NCOA2: variants seen among roughly 807,000 people sequenced by gnomAD.
NCOA2 encodes the protein class E basic helix-loop-helix protein 75.
A neutral mutation model predicts 145.1 loss-of-function variants in NCOA2; 21 were observed. The ratio of observed to expected loss-of-function variants is 0.14; its 90% CI spans 0.10 to 0.21. The LOEUF (loss-of-function observed/expected upper bound fraction) is 0.21, where lower values mean the gene tolerates loss of function less well. NCOA2 is among the 10% of genes least tolerant of loss of function. NCOA2 has a pLI of 1.00. For synonymous variants in NCOA2, 619 were observed against 637.5 expected (o/e 0.97, Z 0.44); for missense variants, 1,472 against 1,837.6 (o/e 0.80, Z 3.64).
Position 70,138,303 on chromosome 8 carries a change from C to T in NCOA2, c.3058G>A (p.Gly1020Arg). 6.2e-7 allele frequency: 1 copy of T among 1,612,300 alleles called. No individual in the cohort carries two copies. The highest frequency in any genetic ancestry group is 1.1e-5 in the South Asian group (1 of 90,726). ...GCTTGTTGTTGGCTATACTGAGGTC[C>T]CCCCATGTTCATCTCTAATTCAGAT... ...GPSELEMNMG[G>R]PQYSQQQAPP... Residue 1020 changes from glycine to arginine, a missense_variant, in exon 15 of 23, where the codon GGA becomes AGA. Coordinates refer to ENST00000452400, the MANE Select transcript of NCOA2 (RefSeq NM_006540.4).
At chr8:70,342,450 G>A (rs1270939174) in intron 1 of NCOA2, among the ~76,000 whole-genome samples, 2 of 151,958 alleles carry the variant, frequency 1.3e-5, no homozygotes, top group Non-Finnish European at 2.9e-5. Context: ...ATTGCCTTTT[G>A]TTCCCTCTAA....
intron 12 of NCOA2, among the ~76,000 whole-genome samples, chr8:70,147,807 T>C (rs1230158429): frequency 6.6e-6 from 1 of 152,170 alleles, no homozygotes. Context: ...GAATATTTTA[T>C]TATTTTTTTT....
chr8:70,198,241 G>C, intron 4 of NCOA2, among the ~76,000 whole-genome samples: 1 of 152,152 alleles, frequency 6.6e-6, no homozygotes, highest in Non-Finnish European at 1.5e-5. Flanking sequence ...GTGTTTTGTT[G>C]TTGTTGTTTT....
intron 11 of NCOA2, among the ~76,000 whole-genome samples, chr8:70,148,982 T>A (rs920548481): frequency 6.6e-6 from 1 of 152,114 alleles, no homozygotes; most frequent in Non-Finnish European, 1.5e-5. Context: ...GGATTTTTTT[T>A]TTTTTAATCT....
intron 4 of NCOA2, among the ~76,000 whole-genome samples, chr8:70,175,501 C>T (rs952656219): frequency 9.9e-5 from 15 of 152,206 alleles, no homozygotes; most frequent in Non-Finnish European, 2.1e-4. Context: ...CAGAAAGGCG[C>T]GTAGCGTGCG....
chr8:70,371,106 T>C (rs964980973), intron 1 of NCOA2, among the ~76,000 whole-genome samples: 1 of 151,826 alleles, frequency 6.6e-6, no homozygotes, highest in Admixed American at 6.6e-5. Flanking sequence ...GCTAACACAG[T>C]GAAACCCCCG....
Position 70,113,371 on chromosome 8 carries a change from A to C in NCOA2, c.*261T>G. 3.7e-6 allele frequency: 2 copies of C among 544,078 alleles called. No individual in the cohort carries two copies. Among genetic ancestry groups the C allele is most frequent in the Non-Finnish European group, 6.6e-6 (2 of 303,950 alleles). 33.7% of individuals were successfully genotyped at this position (544,078 alleles called of 1,614,324 possible). On this transcript the variant is annotated 3_prime_UTR_variant, in exon 23 of 23. Transcript: ENST00000452400. Reference sequence around the variant, plus strand: ...GTCAACATTTACTTTTGCAGGAGAGATCTAAGTTGCACTAAGGTGAATGCA... The same window carrying C: ...GTCAACATTTACTTTTGCAGGAGAGCTCTAAGTTGCACTAAGGTGAATGCA...
intron 5 of NCOA2, among the ~76,000 whole-genome samples, chr8:70,172,442 A>T (rs949269502): frequency 1.3e-5 from 2 of 152,234 alleles, no homozygotes; most frequent in Non-Finnish European, 2.9e-5. Context: ...TTAATCACAA[A>T]ACTAAGTGCT....
At chr8:70,213,107 A>C (rs1819220412) in intron 4 of NCOA2, among the ~76,000 whole-genome samples, 1 of 151,388 alleles carries the variant, frequency 6.6e-6, no homozygotes, top group African/African-American at 2.4e-5. Context: ...AAAAAAAAAA[A>C]AAAAACCACA....
chr8:70,326,457 A>G (rs1271726346), intron 1 of NCOA2, among the ~76,000 whole-genome samples: 2 of 150,554 alleles, frequency 1.3e-5, no homozygotes, highest in African/African-American at 4.9e-5. Context: ...ACACGTGCAC[A>G]CACACACACA....
At chr8:70,135,261 G>A (rs534658135) in intron 15 of NCOA2, among the ~76,000 whole-genome samples, 25 of 152,222 alleles carry the variant, frequency 1.6e-4, no homozygotes, top group East Asian at 5.8e-4. Context: ...AGACTGCCCC[G>A]CTTTCTCCTC....
chr8:70,315,891 G>A (rs1041474379), intron 1 of NCOA2, among the ~76,000 whole-genome samples: 26 of 152,196 alleles, frequency 1.7e-4, no homozygotes, highest in Non-Finnish European at 3.7e-4. Context: ...CAGGAGGGCT[G>A]AGGACTGAAT....
intron 2 of NCOA2, among the ~76,000 whole-genome samples, chr8:70,283,182 C>A (rs1248160595): frequency 6.6e-6 from 1 of 152,200 alleles, no homozygotes; most frequent in Non-Finnish European, 1.5e-5. Context: ...TGAAGAGAGG[C>A]TTCCAACAGA....
In NCOA2 at chr8:70,363,764, G is replaced by GTGC. The variant is rs1401080471; in HGVS notation, c.-77+39935_-77+39936insGCA. On this transcript the variant is annotated intron_variant, in intron 1 of 22. Coordinates refer to ENST00000452400, the MANE Select transcript of NCOA2 (RefSeq NM_006540.4). Reference sequence around the variant, plus strand: ...TAGGGTTGGCACTGACCAAAAAGAAGCAGAGTAAAATTTCTGACTACATAC... The same window carrying GTGC: ...TAGGGTTGGCACTGACCAAAAAGAAGTGCCAGAGTAAAATTTCTGACTACATAC... Among the ~76,000 whole-genome samples, 4 of 152,164 alleles carry GTGC rather than the reference G, an allele frequency of 2.6e-5. No homozygotes were observed. In the South Asian group the frequency reaches 6.2e-4, roughly 24 times the overall value.
intron 14 of NCOA2, among the ~76,000 whole-genome samples, chr8:70,139,351 T>C (rs945712555): frequency 2.6e-5 from 4 of 152,212 alleles, no homozygotes; most frequent in African/African-American, 7.2e-5. Context: ...TGAGAATAAA[T>C]TACATTTCTG....
At chr8:70,230,125 TCA>T (rs1821006779) in intron 2 of NCOA2, among the ~76,000 whole-genome samples, 1 of 152,192 alleles carries the variant, frequency 6.6e-6, no homozygotes, top group Non-Finnish European at 1.5e-5. Flanking sequence ...GATGGTAAAG[TCA>T]CAGTTACGCT....
At chr8:70,444,756 C>T in the NCOA2 span, among the ~76,000 whole-genome samples, 1 of 152,110 alleles carries the variant, frequency 6.6e-6, no homozygotes, top group Non-Finnish European at 1.5e-5. Flanking sequence ...ATTAATAAGA[C>T]AAAATATAGA....
In NCOA2 at chr8:70,403,748, C is replaced by T. The variant is rs2131885404; in HGVS notation, c.-125G>A. 1 of 397,666 alleles carries T rather than the reference C, an allele frequency of 2.5e-6. No homozygotes were observed. Among genetic ancestry groups the T allele is most frequent in the East Asian group, 3.6e-5 (1 of 28,030 alleles). The allele number at this position is 397,666 out of a possible 1,614,324, so 24.6% of individuals were successfully genotyped here. Reference sequence around the variant, plus strand: ...AGGTGCCGGCTGCCGTCGGCGCTGACCTTCGCCGCCGAAGCTGTAGCCGAG... The same window carrying T: ...AGGTGCCGGCTGCCGTCGGCGCTGATCTTCGCCGCCGAAGCTGTAGCCGAG... On this transcript the variant is annotated 5_prime_UTR_variant, in exon 1 of 23. Transcript: ENST00000452400.
the NCOA2 span, among the ~76,000 whole-genome samples, chr8:70,411,170 C>G: frequency 6.6e-6 from 1 of 152,094 alleles, no homozygotes; most frequent in Non-Finnish European, 1.5e-5. Flanking sequence ...AAACATTGTA[C>G]TCAATATTGA....
Sources: allele counts gnomAD v4.1 joint callset (sites outside exome capture counted in the v4.1 genomes callset), GRCh38; gene constraint gnomAD v4.1.1; transcripts MANE v1.5; gene names NCBI Gene and HGNC (gene_info 2026-07-23, HGNC 2026-07-21).